RICTOR: variants seen among roughly 807,000 people sequenced by gnomAD.
RICTOR encodes rapamycin-insensitive companion of mTOR.
Under a neutral mutation model 214.9 loss-of-function variants are expected in RICTOR, and 49 were observed. The ratio of observed to expected loss-of-function variants is 0.23; its 90% confidence interval spans 0.18 to 0.29. The LOEUF is 0.29. Among genes scored for constraint, RICTOR ranks in the 10% least tolerant of loss-of-function variants. The probability of loss-of-function intolerance (pLI) is 1.00; values close to 1 mark genes in which losing one functional copy is unlikely to be tolerated. For missense variants in RICTOR, 1,625 were observed against 2,047.0 expected (o/e 0.79, Z 3.98); for synonymous variants, 717 against 711.3 (o/e 1.01, Z -0.13).
rs200255149 is a variant in RICTOR, at chr5:38,953,060, T to A, written c.2822A>T (p.Asn941Ile). 6.2e-7 allele frequency: 1 copy of A among 1,608,840 alleles called. No homozygotes were observed. Among genetic ancestry groups the A allele is most frequent in the Non-Finnish European group, 8.5e-7 (1 of 1,176,418 alleles). The change falls in exon 29 of 38, where the codon AAT becomes ATT. Residue 941 changes from asparagine (N) to isoleucine (I), a missense_variant. Transcript: ENST00000357387. ...GNIGSSNWGL[N>I]LLQEENVIPD... is the part of the protein sequence containing the mutation. Reference sequence around the variant, plus strand: ...AATCACGTTTTCTTCCTGTAGCAAATTGAGACCCCAATTTGATGAGCCGAT... The same window carrying A: ...AATCACGTTTTCTTCCTGTAGCAAAATGAGACCCCAATTTGATGAGCCGAT...
At chr5:39,033,271 T>C (rs1018158788) in intron 2 of RICTOR, among the ~76,000 whole-genome samples, 5 of 151,954 alleles carry the variant, frequency 3.3e-5, no homozygotes, top group African/African-American at 9.7e-5. Context: ...TTTTTTTTTT[T>C]TGGGAACAGA....
rs1750084043 is a variant in RICTOR at position 38,964,853 on chromosome 5, G to A, written c.1339C>T (p.His447Tyr). 5 of 1,608,364 alleles carry A rather than the reference G, an allele frequency of 3.1e-6. No homozygotes were observed. The highest frequency in any genetic ancestry group is 1.7e-5 in the Admixed American group (1 of 59,680). ...ATATTCATTAGGGTTGGCAAGCAGTGTAAATGATGGCTATGTGAATGAGGA... is the reference window on the plus strand; with the variant it reads ...ATATTCATTAGGGTTGGCAAGCAGTATAAATGATGGCTATGTGAATGAGGA... ...ILPHSHSHHL[H>Y]CLPTLMNMAA... The change falls in exon 16 of 38, where the codon CAC (histidine) becomes TAC (tyrosine). Residue 447 changes from histidine to tyrosine, a missense_variant. By Grantham distance (83) the His-to-Tyr change is moderately conservative. Around this residue, in one of 5 missense-constraint regions of RICTOR, gnomAD observed 1,214 missense variants for 1,470.5 expected, o/e 0.83. Coordinates refer to ENST00000357387, the MANE Select transcript of RICTOR (RefSeq NM_152756.5).
At chr5:38,948,568 AAAC>A (rs924323337) in intron 31 of RICTOR, among the ~76,000 whole-genome samples, 2 of 152,246 alleles carry the variant, frequency 1.3e-5, no homozygotes, top group South Asian at 2.1e-4. Context: ...TCTGCTTAAA[AAAC>A]AACAATACAA....
At chr5:38,957,128 A>G (rs1749325960) in intron 25 of RICTOR, among the ~76,000 whole-genome samples, 1 of 152,170 alleles carries the variant, frequency 6.6e-6, no homozygotes, top group Non-Finnish European at 1.5e-5. Context: ...AAAAGCTAGA[A>G]AAGTTGTTTC....
At chr5:39,002,398 GTGTA>G (rs150952000) in intron 5 of RICTOR, 133 bp downstream of exon 5, 237 of 467,420 alleles carry the variant, frequency 5.1e-4, no homozygotes, top group East Asian at 3.8e-3. Flanking sequence ...GTGTGTGTGT[GTGTA>G]TATATATATA....
chr5:39,055,609 G>T (rs1201129061), intron 2 of RICTOR, among the ~76,000 whole-genome samples: 1 of 152,052 alleles, frequency 6.6e-6, no homozygotes, highest in Non-Finnish European at 1.5e-5. Context: ...CACAGTAAAG[G>T]TCAACAAATA....
intron 9 of RICTOR, 87 bp from the exon 10 acceptor site, chr5:38,975,691 C>T: frequency 1.1e-6 from 1 of 925,448 alleles, no homozygotes; most frequent in Non-Finnish European, 1.8e-6. Context: ...ACAATAAGAG[C>T]TATCACTAAT....
At chr5:38,982,846 A>G (rs1214226455) in intron 7 of RICTOR, among the ~76,000 whole-genome samples, 1 of 151,990 alleles carries the variant, frequency 6.6e-6, no homozygotes, top group Non-Finnish European at 1.5e-5. Context: ...ACATACATAT[A>G]CATATAAATA....
At chr5:39,015,835 G>A (rs1482960114) in intron 3 of RICTOR, among the ~76,000 whole-genome samples, 1 of 152,150 alleles carries the variant, frequency 6.6e-6, no homozygotes, top group Non-Finnish European at 1.5e-5. Flanking sequence ...CACATATTAT[G>A]TGTCAGGCAC....
At chr5:38,975,632 G>A (rs1352464009) in intron 9 of RICTOR, 28 bp from the exon 10 acceptor site, 2 of 1,564,488 alleles carry the variant, frequency 1.3e-6, no homozygotes, top group African/African-American at 1.4e-5. Flanking sequence ...GCAGCGGGGA[G>A]AATCAATGAA....
At chr5:39,054,180 T>TA (rs562064121) in intron 2 of RICTOR, among the ~76,000 whole-genome samples, 79 of 149,080 alleles carry the variant, frequency 5.3e-4, no homozygotes, top group Admixed American at 1.1e-3. Flanking sequence ...CACATTCACT[T>TA]AAAAAAAAAA....
chr5:39,074,079 G>C, intron 2 of RICTOR, 32 bp downstream of exon 2: 3 of 1,544,092 alleles, frequency 1.9e-6, no homozygotes, highest in Non-Finnish European at 2.6e-6. Flanking sequence ...CCAGCAGCGC[G>C]CCCTCGCGGC....
chr5:39,024,769 A>G (rs570857611), intron 2 of RICTOR, among the ~76,000 whole-genome samples: 8 of 152,364 alleles, frequency 5.3e-5, no homozygotes, highest in Admixed American at 4.6e-4. Flanking sequence ...TAGATTCCTT[A>G]CAAAGGTTTG....
intron 5 of RICTOR, among the ~76,000 whole-genome samples, chr5:39,000,706 C>CTTA (rs1753551412): frequency 6.6e-6 from 1 of 151,866 alleles, no homozygotes; most frequent in African/African-American, 2.4e-5. Context: ...GTAATTAATG[C>CTTA]TTATACACAT....
chr5:38,966,597 A>C (rs13167158), intron 15 of RICTOR, 44 bp downstream of exon 15: 6 of 896,142 alleles, frequency 6.7e-6, no homozygotes, highest in Non-Finnish European at 1.1e-5. Flanking sequence ...ATAAATTCAA[A>C]CATTAAAGGT....
intron 5 of RICTOR, among the ~76,000 whole-genome samples, chr5:38,999,027 CAAA>C (rs1186312478): frequency 2.1e-3 from 53 of 25,344 alleles, no homozygotes; most frequent in Admixed American, 4.9e-3. Context: ...AACAAACAGG[CAAA>C]AAAAAAAAAA....
intron 6 of RICTOR, among the ~76,000 whole-genome samples, chr5:38,994,952 A>T (rs1753070767): frequency 6.6e-6 from 1 of 152,150 alleles, no homozygotes; most frequent in Non-Finnish European, 1.5e-5. Flanking sequence ...CAAAGACATT[A>T]TTTGTCCTTT....
intron 3 of RICTOR, among the ~76,000 whole-genome samples, chr5:39,008,503 G>T (rs1308702595): frequency 6.6e-6 from 1 of 152,016 alleles, no homozygotes; most frequent in Non-Finnish European, 1.5e-5. Flanking sequence ...AGCCCACTAT[G>T]AAAAATATTA....
intron 6 of RICTOR, among the ~76,000 whole-genome samples, chr5:38,994,199 T>C (rs565631389): frequency 1.3e-5 from 2 of 151,086 alleles, no homozygotes; most frequent in Non-Finnish European, 3.0e-5. Context: ...CAAAAAAATA[T>C]ATATATATTA....
Sources: allele counts gnomAD v4.1 joint callset (sites outside exome capture counted in the v4.1 genomes callset), GRCh38; gene constraint gnomAD v4.1.1; regional missense constraint gnomAD v4.1.1; transcripts MANE v1.5; gene names NCBI Gene and HGNC (gene_info 2026-07-23, HGNC 2026-07-21).